CNBD1: variants seen among roughly 807,000 people sequenced by gnomAD.
CNBD1 encodes cyclic nucleotide-binding domain-containing protein 1.
Under a neutral mutation model 54.4 loss-of-function variants are expected in CNBD1, and 71 were observed. That is an observed-to-expected ratio of 1.30 (90% CI 1.08 to 1.59). CNBD1 has a LOEUF of 1.59. CNBD1 is among the 40% of genes most tolerant of loss of function. The pLI is 0.00. For synonymous variants in CNBD1, 182 were observed against 170.7 expected (o/e 1.07, Z -0.51); for missense variants, 659 against 518.0 (o/e 1.27, Z -2.64).
chr8:87,121,486 T>C (rs544227976), intron 4 of CNBD1, among the ~76,000 whole-genome samples: 1 of 152,016 alleles, frequency 6.6e-6, no homozygotes, highest in East Asian at 1.9e-4. Context: ...CCAATTGACA[T>C]ATTAGTCAAC....
chr8:87,336,700 A>G (rs1340258386), intron 8 of CNBD1, among the ~76,000 whole-genome samples: 1 of 152,056 alleles, frequency 6.6e-6, no homozygotes, highest in Admixed American at 6.5e-5. Context: ...ACTTCTATCA[A>G]TTCTTCCATC....
At chr8:87,420,545 G>T (rs1807913029) in intron 2 of CNBD1, among the ~76,000 whole-genome samples, 1 of 152,058 alleles carries the variant, frequency 6.6e-6, no homozygotes, top group African/African-American at 2.4e-5. Flanking sequence ...ACTCGGAGAT[G>T]ACATCTTCCC....
chr8:86,875,681 G>A (rs1180841468), intron 1 of CNBD1, among the ~76,000 whole-genome samples: 1 of 151,856 alleles, frequency 6.6e-6, no homozygotes, highest in Non-Finnish European at 1.5e-5. Flanking sequence ...TATTGCTATT[G>A]CCTCTGGTGT....
At chr8:87,295,945 T>G (rs1476912307) in intron 8 of CNBD1, among the ~76,000 whole-genome samples, 2 of 152,102 alleles carry the variant, frequency 1.3e-5, no homozygotes, top group Non-Finnish European at 2.9e-5. Flanking sequence ...ATTTCCAAAG[T>G]AGAACTTTTA....
At chr8:87,216,585 A>G (rs1472625798) in intron 5 of CNBD1, among the ~76,000 whole-genome samples, 1 of 152,072 alleles carries the variant, frequency 6.6e-6, no homozygotes, top group Non-Finnish European at 1.5e-5. Context: ...ACTACCATTA[A>G]TCCTTTGATA....
At chr8:86,953,186 A>G (rs1199441488) in intron 4 of CNBD1, among the ~76,000 whole-genome samples, 1 of 152,172 alleles carries the variant, frequency 6.6e-6, no homozygotes, top group Non-Finnish European at 1.5e-5. Context: ...ATTTATTTAT[A>G]AGTCTTAGTG....
intron 8 of CNBD1, among the ~76,000 whole-genome samples, chr8:87,328,570 T>A (rs902006815): frequency 9.0e-4 from 137 of 152,054 alleles, no homozygotes; most frequent in African/African-American, 2.7e-3. Context: ...TTTATCAAGA[T>A]TGTTTTGACT....
chr8:87,301,542 A>T (rs1441127303), intron 8 of CNBD1, among the ~76,000 whole-genome samples: 1 of 152,202 alleles, frequency 6.6e-6, no homozygotes, highest in Non-Finnish European at 1.5e-5. Flanking sequence ...ATAGTTTAGC[A>T]TATGCAAGTC....
chr8:87,304,180 T>C (rs1217953271), intron 8 of CNBD1, among the ~76,000 whole-genome samples: 2 of 151,914 alleles, frequency 1.3e-5, no homozygotes, highest in African/African-American at 4.8e-5. Flanking sequence ...TAAAGACACA[T>C]GCACACGTAT....
At chr8:87,257,652 A>G (rs181426157) in intron 6 of CNBD1, among the ~76,000 whole-genome samples, 11 of 152,260 alleles carry the variant, frequency 7.2e-5, no homozygotes, top group Middle Eastern at 3.4e-3. Flanking sequence ...GTTCTCCGTG[A>G]GTCCATGCTT....
chr8:86,961,741 T>C (rs1473169551), intron 4 of CNBD1, among the ~76,000 whole-genome samples: 2 of 152,262 alleles, frequency 1.3e-5, no homozygotes, highest in Non-Finnish European at 2.9e-5. Flanking sequence ...TTTCTCAGGC[T>C]TCCTGTTCCA....
At chr8:86,933,320 C>A (rs1164254267) in intron 3 of CNBD1, among the ~76,000 whole-genome samples, 1 of 152,064 alleles carries the variant, frequency 6.6e-6, no homozygotes, top group Non-Finnish European at 1.5e-5. Flanking sequence ...AAATCCAATT[C>A]ACTACAGACT....
intron 4 of CNBD1, among the ~76,000 whole-genome samples, chr8:87,037,698 T>G (rs1168205387): frequency 6.6e-6 from 1 of 152,224 alleles, no homozygotes; most frequent in Non-Finnish European, 1.5e-5. Context: ...TATTTTGGTT[T>G]TTTTGGGCTA....
At chr8:86,892,091 T>C (rs538214658) in intron 2 of CNBD1, among the ~76,000 whole-genome samples, 2 of 152,034 alleles carry the variant, frequency 1.3e-5, no homozygotes, top group African/African-American at 4.8e-5. Context: ...CTTTCAATAC[T>C]GTGTTGAAAA....
In CNBD1 at chr8:87,029,056, T is replaced by TA. The variant is rs567076637; in HGVS notation, c.431+89303dup. On this transcript the variant is annotated intron_variant, in intron 4 of 10. Coordinates refer to ENST00000518476, the MANE Select transcript of CNBD1 (RefSeq NM_173538.3). ...GAATGCTTTTAGCATTATTTAAACT[T>TA]ATATTTATTCTAACTTACTACATTA... Among the ~76,000 whole-genome samples the TA allele has an allele frequency of 5.2e-3, 790 of 152,318 alleles. 7 individuals are homozygous for TA. The highest frequency in any genetic ancestry group is 0.018 in the African/African-American group (746 of 41,580).
At chr8:87,174,455 T>C (rs1050114919) in intron 4 of CNBD1, among the ~76,000 whole-genome samples, 2 of 152,216 alleles carry the variant, frequency 1.3e-5, no homozygotes, top group Non-Finnish European at 2.9e-5. Flanking sequence ...GTTAAATGTA[T>C]CTGATAGAAT....
chr8:87,359,935 G>A (rs1272644592), intron 10 of CNBD1, among the ~76,000 whole-genome samples: 1 of 151,960 alleles, frequency 6.6e-6, no homozygotes, highest in Non-Finnish European at 1.5e-5. Context: ...AGTTGGTTAT[G>A]TTGCCTTCAC....
chr8:87,021,251 A>G (rs1028952021), intron 4 of CNBD1, among the ~76,000 whole-genome samples: 1 of 151,952 alleles, frequency 6.6e-6, no homozygotes, highest in Non-Finnish European at 1.5e-5. Flanking sequence ...TTAGAGTTTC[A>G]CTCTTTTCAT....
At chr8:86,899,560 C>T (rs557841028) in intron 2 of CNBD1, among the ~76,000 whole-genome samples, 150 of 152,134 alleles carry the variant, frequency 9.9e-4, no homozygotes, top group Non-Finnish European at 1.7e-3. Flanking sequence ...TGTTATTAAT[C>T]ATCATTGTGA....
Sources: gnomAD v4.1 joint callset for allele counts (sites outside exome capture counted in the v4.1 genomes callset) on GRCh38, gnomAD v4.1.1 for gene constraint, MANE v1.5 for transcripts, NCBI Gene and HGNC (gene_info 2026-07-23, HGNC 2026-07-21) for gene names.